TFB1M: variants seen among roughly 807,000 people sequenced by gnomAD.
The protein encoded by TFB1M is transcription factor B1, mitochondrial, also known as dimethyladenosine transferase 1, mitochondrial.
A neutral mutation model predicts 31.1 loss-of-function variants in TFB1M; 27 were observed. The ratio of observed to expected loss-of-function variants is 0.87; its 90% CI spans 0.64 to 1.20. TFB1M has a LOEUF of 1.20. Among genes scored for constraint, TFB1M ranks in the 50% most tolerant of loss-of-function variants. The probability of loss-of-function intolerance (pLI) is 0.00; values close to 1 mark genes in which losing one functional copy is unlikely to be tolerated. For missense variants in TFB1M, 394 were observed against 418.7 expected (o/e 0.94, Z 0.51); for synonymous variants, 166 against 151.8 (o/e 1.09, Z -0.69).
intron 5 of TFB1M, among the ~76,000 whole-genome samples, chr6:155,280,482 C>T (rs559345496): frequency 6.6e-6 from 1 of 152,324 alleles, no homozygotes; most frequent in African/African-American, 2.4e-5. Flanking sequence ...GAAGCTCCTC[C>T]AGGAGGAACA....
In TFB1M at chr6:155,297,052, T is replaced by C. The variant is rs1777208924; in HGVS notation, c.447A>G (p.Pro149=). The C allele has an allele frequency of 6.2e-7, 1 of 1,613,960 alleles. No homozygotes were observed. ...TATTTTCAAGCCACTTGATAATCAG[T>C]GGAGTTGAAACACTAAAAGGCAGAT... ...IGNLPFSVST[P]LIIKWLENIS... Residue 149 remains proline, a synonymous_variant, in exon 4 of 7, where the codon CCA becomes CCG. Transcript: ENST00000367166.
intron 5 of TFB1M, among the ~76,000 whole-genome samples, chr6:155,264,492 A>G (rs1482560014): frequency 6.6e-6 from 1 of 152,250 alleles, no homozygotes; most frequent in African/African-American, 2.4e-5. Flanking sequence ...CAGCATTCTA[A>G]GTATTTCAAA....
chr6:155,291,646 G>C (rs113152785), intron 4 of TFB1M, among the ~76,000 whole-genome samples: 1 of 152,282 alleles, frequency 6.6e-6, no homozygotes, highest in South Asian at 2.1e-4. Flanking sequence ...GTGGTTCTTC[G>C]CTGTGGGAGG....
chr6:155,296,582 AT>A (rs1777187092), intron 4 of TFB1M, among the ~76,000 whole-genome samples: 1 of 151,164 alleles, frequency 6.6e-6, no homozygotes, highest in Non-Finnish European at 1.5e-5. Flanking sequence ...CCGGCCAATT[AT>A]CATATTCTTT....
intron 5 of TFB1M, among the ~76,000 whole-genome samples, chr6:155,261,328 A>T (rs928477556): frequency 1.3e-5 from 2 of 152,242 alleles, no homozygotes; most frequent in Non-Finnish European, 2.9e-5. Context: ...ACTCAACAAA[A>T]GGCGAAGAAA....
At chr6:155,288,309 G>A (rs1439734518) in intron 4 of TFB1M, among the ~76,000 whole-genome samples, 1 of 152,094 alleles carries the variant, frequency 6.6e-6, no homozygotes, top group Non-Finnish European at 1.5e-5. Context: ...GATAAGTGAT[G>A]AGTTACTATA....
chr6:155,244,911 A>C, the TFB1M span: 324,712 of 1,175,694 alleles, frequency 0.28, 50,411 homozygotes, highest in East Asian at 0.65. Context: ...TCCTGTGACT[A>C]TTTCCTTGCA....
the TFB1M span, among the ~76,000 whole-genome samples, chr6:155,241,660 C>G: frequency 3.3e-5 from 5 of 152,184 alleles, no homozygotes; most frequent in African/African-American, 1.2e-4. Context: ...GCCCTATTCA[C>G]AGGTAGCTTC....
At chr6:155,239,043 CTG>C in the TFB1M span, among the ~76,000 whole-genome samples, 88 of 152,228 alleles carry the variant, frequency 5.8e-4, no homozygotes, top group Middle Eastern at 0.014. Context: ...AAGAGACAGA[CTG>C]TATAAAAAGC....
At chr6:155,250,745 A>G in the TFB1M span, 3 of 1,140,972 alleles carry the variant, frequency 2.6e-6, no homozygotes, top group Non-Finnish European at 2.5e-6. Context: ...TGCTTAACTC[A>G]TATTTTCAAA....
chr6:155,261,806 G>T (rs185738360), intron 5 of TFB1M, among the ~76,000 whole-genome samples: 1 of 152,322 alleles, frequency 6.6e-6, no homozygotes, highest in African/African-American at 2.4e-5. Flanking sequence ...TGCTGAGAAT[G>T]TGCCAAGCGG....
chr6:155,253,904 T>C, downstream of TFB1M: 2 of 1,205,364 alleles, frequency 1.7e-6, no homozygotes, highest in South Asian at 2.8e-5. Flanking sequence ...ATTTCAACTT[T>C]ACAAGTGTTC....
At chr6:155,277,608 T>C (rs1378598315) in intron 5 of TFB1M, among the ~76,000 whole-genome samples, 1 of 152,216 alleles carries the variant, frequency 6.6e-6, no homozygotes. Context: ...CTATACCTAT[T>C]TTACTGGGTA....
Position 155,257,434 on chromosome 6 carries a change from G to A in TFB1M, c.*402C>T, listed in dbSNP as rs962929183. ...TGGAAAAAGTAAGGCTGGGGAAGTCGTGATTAATAGTTTTCAAAGGGCCAT... is the reference window on the plus strand; with the variant it reads ...TGGAAAAAGTAAGGCTGGGGAAGTCATGATTAATAGTTTTCAAAGGGCCAT... On this transcript the variant is annotated 3_prime_UTR_variant, in exon 7 of 7. Coordinates refer to ENST00000367166, the MANE Select transcript of TFB1M (RefSeq NM_016020.4). 5.5e-5 allele frequency: 19 copies of A among 344,816 alleles called. No homozygotes were observed. Among genetic ancestry groups the A allele is most frequent in the African/African-American group, 2.4e-4 (11 of 46,020 alleles). The allele number at this position is 344,816 out of a possible 1,614,324, so 21.4% of individuals were successfully genotyped here. A position where few individuals can be genotyped will look rare whatever the true frequency, so the allele number is the denominator to read the frequency against.
the TFB1M span, chr6:155,248,305 T>A: frequency 6.4e-6 from 7 of 1,090,148 alleles, no homozygotes; most frequent in Non-Finnish European, 9.0e-6. Context: ...ACTTTTCAGT[T>A]CTGCGATGGT....
At chr6:155,262,912 C>T (rs550568700) in intron 5 of TFB1M, among the ~76,000 whole-genome samples, 10 of 152,168 alleles carry the variant, frequency 6.6e-5, no homozygotes, top group African/African-American at 1.2e-4. Context: ...TAAACTATAG[C>T]GTCGACTTCT....
the TFB1M span, chr6:155,248,068 C>T: frequency 6.2e-7 from 1 of 1,614,238 alleles, no homozygotes; most frequent in Non-Finnish European, 8.5e-7. Context: ...TTCCTCCACG[C>T]TGGAGTCCTA....
chr6:155,237,349 C>T, the TFB1M span, among the ~76,000 whole-genome samples: 2 of 152,248 alleles, frequency 1.3e-5, no homozygotes, highest in Non-Finnish European at 2.9e-5. Context: ...TAGCCTCCCT[C>T]CTGGCTGCCT....
At chr6:155,305,077 A>C (rs1198793023) in intron 2 of TFB1M, among the ~76,000 whole-genome samples, 1 of 137,330 alleles carries the variant, frequency 7.3e-6, no homozygotes, top group Non-Finnish European at 1.5e-5. Context: ...TAAAAGCTAA[A>C]ATTATAAAAT....
Sources: gnomAD v4.1 joint callset for allele counts (sites outside exome capture counted in the v4.1 genomes callset) on GRCh38, gnomAD v4.1.1 for gene constraint, MANE v1.5 for transcripts, NCBI Gene and HGNC (gene_info 2026-07-23, HGNC 2026-07-21) for gene names.